Variants in UGT1A8 observed in about 807,000 individuals in gnomAD.
UGT1A8 encodes the protein UDP glucuronosyltransferase family 1 member A8, also known as UDP-glucuronosyltransferase 1A8.
UGT1A8 carries 39 observed loss-of-function variants against 45.3 expected under a neutral mutation model. The observed-to-expected ratio is 0.86, with a 90% confidence interval of 0.67 to 1.12. UGT1A8 has a LOEUF of 1.12. Ranked by LOEUF, UGT1A8 falls within the 50% of genes most tolerant of loss-of-function variation. The pLI, the probability that UGT1A8 is intolerant of heterozygous loss-of-function variation, is 0.00. For synonymous variants in UGT1A8, 275 were observed against 249.2 expected (o/e 1.10, Z -0.97); for missense variants, 719 against 664.9 (o/e 1.08, Z -0.90).
At chr2:233,655,635 C>T (rs1243679108) in intron 1 of UGT1A8, among the ~76,000 whole-genome samples, 2 of 152,058 alleles carry the variant, frequency 1.3e-5, no homozygotes, top group East Asian at 3.9e-4. Flanking sequence ...TTCACAGACT[C>T]TTCTCTTGTA....
intron 1 of UGT1A8, among the ~76,000 whole-genome samples, chr2:233,724,318 C>T (rs1409125726): frequency 1.2e-4 from 17 of 142,986 alleles, no homozygotes; most frequent in African/African-American, 3.4e-4. Context: ...CCGGACGGGG[C>T]GGCTGGCCAG....
At position 233,654,758 on chromosome 2, in the gene UGT1A8, G is replaced by C. The variant is rs549116915; in HGVS notation, c.855+36196G>C. The stretch of plus-strand genomic sequence containing the variant: ...CTGCAAACCACATCTTGAACAGACT[G>C]TTTTAGACCCAGTCCAGTGGCTCTA... On this transcript the variant is annotated intron_variant, in intron 1 of 4. Transcript: ENST00000373450. 6.3e-4 allele frequency among the ~76,000 whole-genome samples: 96 copies of C among 152,278 alleles called. 1 individual carries two copies. Among genetic ancestry groups the C allele is most frequent in the African/African-American group, 2.1e-3 (87 of 41,562 alleles).
chr2:233,762,717 G>GT lies in UGT1A8; in HGVS notation c.856-4305dup, dbSNP rs34681509. 2.7e-3 allele frequency among the ~76,000 whole-genome samples: 387 copies of GT among 141,006 alleles called. 1 individual carries two copies. The highest frequency in any genetic ancestry group is 0.012 in the Middle Eastern group (3 of 260). 92.5% of individuals were successfully genotyped at this position (141,006 alleles called of 152,430 possible). On this transcript the variant is annotated intron_variant, in intron 1 of 4. Coordinates refer to ENST00000373450, the MANE Select transcript of UGT1A8 (RefSeq NM_019076.5). ...CATCTTTTCTTAAGTATTTTACACG[G>GT]TTTTTTTTTTTTGGTCACTACTGTG...
In UGT1A8 at chr2:233,617,826, C is replaced by G. The variant is rs537316503; in HGVS notation, c.119C>G (p.Thr40Ser). 1 of 1,614,004 alleles carries G rather than the reference C, an allele frequency of 6.2e-7. No individual in the cohort carries two copies. Among genetic ancestry groups the G allele is most frequent in the East Asian group, 2.2e-5 (1 of 44,876 alleles). ...VVPMDGSHWF[T>S]MQSVVEKLIL... ...CCCATGGATGGGAGTCACTGGTTCA[C>G]CATGCAGTCGGTGGTGGAGAAACTT... The change falls in exon 1 of 5, where the codon ACC becomes AGC. Residue 40 changes from threonine (T) to serine (S), a missense_variant. Physicochemically the swap from Thr to Ser is moderately conservative, Grantham distance 58. Transcript: ENST00000373450.
At chr2:233,679,411 G>T (rs1347340983) in intron 1 of UGT1A8, among the ~76,000 whole-genome samples, 2 of 152,186 alleles carry the variant, frequency 1.3e-5, no homozygotes, top group African/African-American at 4.8e-5. Context: ...AGGTTTGGCA[G>T]TTCTACTGAT....
intron 1 of UGT1A8, among the ~76,000 whole-genome samples, chr2:233,663,890 A>G (rs1465786285): frequency 6.6e-6 from 1 of 152,134 alleles, no homozygotes; most frequent in Non-Finnish European, 1.5e-5. Context: ...GAATTTCTCT[A>G]TTTTAGATAC....
Position 233,683,200 on chromosome 2 carries a change from T to C in UGT1A8, c.855+64638T>C, listed in dbSNP as rs45437594. 1.2e-3 allele frequency among the ~76,000 whole-genome samples: 183 copies of C among 152,314 alleles called. 7 individuals are homozygous for C. In the East Asian group the frequency reaches 0.027, roughly 22 times the overall value. On this transcript the variant is annotated intron_variant, in intron 1 of 4. Coordinates refer to ENST00000373450, the MANE Select transcript of UGT1A8 (RefSeq NM_019076.5). ...ATATGCATATATTTAGGGTAAATTG[T>C]CACTTCTATTTTATCAATATAAAAT...
In UGT1A8 at chr2:233,768,446, A is replaced by C. The variant is rs752429515; in HGVS notation, c.1295+7A>C. 1 of 1,612,506 alleles carries C rather than the reference A, an allele frequency of 6.2e-7. No homozygotes were observed. Among genetic ancestry groups the C allele is most frequent in the Non-Finnish European group, 8.5e-7 (1 of 1,179,230 alleles). ...CAGTCATCAATGACAAAAGGTAAGAAAGAAGATACAGAAGAATACTTTGGT... is the reference window on the plus strand; with the variant it reads ...CAGTCATCAATGACAAAAGGTAAGACAGAAGATACAGAAGAATACTTTGGT... On this transcript the variant is annotated splice_region_variant and intron_variant, in intron 4 of 4. Coordinates refer to ENST00000373450, the MANE Select transcript of UGT1A8 (RefSeq NM_019076.5).
intron 1 of UGT1A8, among the ~76,000 whole-genome samples, chr2:233,702,447 T>C (rs1325410425): frequency 1.3e-5 from 2 of 152,174 alleles, no homozygotes; most frequent in African/African-American, 4.8e-5. Flanking sequence ...AAGGATAACA[T>C]TTATTTCTTT....
chr2:233,713,312 G>T (rs1406114434), intron 1 of UGT1A8: 8 of 1,614,228 alleles, frequency 5.0e-6, no homozygotes, highest in Non-Finnish European at 6.8e-6. Flanking sequence ...AACATCTTCT[G>T]ATGAAATTTT....
At position 233,618,487 on chromosome 2, in the gene UGT1A8, C is replaced by G. The variant is rs762851423; in HGVS notation, c.780C>G (p.Asp260Glu). 2.7e-5 allele frequency: 44 copies of G among 1,613,796 alleles called. No homozygotes were observed. Among genetic ancestry groups the G allele is most frequent in the South Asian group, 2.2e-4 (20 of 91,076 alleles). Residue 260 changes from aspartate (D) to glutamate (E), a missense_variant, in exon 1 of 5, where the codon GAC becomes GAG. Coordinates refer to ENST00000373450, the MANE Select transcript of UGT1A8 (RefSeq NM_019076.5). ...TGTTGCGAACAGACTTTGTTTTGGA[C>G]TATCCCAAACCCGTGATGCCCAATA... ...IWLLRTDFVL[D>E]YPKPVMPNMI...
chr2:233,737,522 C>T (rs1286705932), intron 1 of UGT1A8, among the ~76,000 whole-genome samples: 9 of 152,174 alleles, frequency 5.9e-5, no homozygotes, highest in African/African-American at 9.7e-5. Context: ...CTAGGTGAGG[C>T]GACGCCCTGC....
chr2:233,729,120 T>A, intron 1 of UGT1A8: 1 of 1,613,088 alleles, frequency 6.2e-7, no homozygotes, highest in Non-Finnish European at 8.5e-7. Context: ...CCGTGTCTTC[T>A]GCTGAGATGG....
At chr2:233,682,676 C>T (rs1379122920) in intron 1 of UGT1A8, 16 of 1,613,750 alleles carry the variant, frequency 9.9e-6, no homozygotes, top group Non-Finnish European at 1.3e-5. Flanking sequence ...TCTCTACAGC[C>T]ACACATCAAT....
chr2:233,713,549 G>A (rs1391054862), intron 1 of UGT1A8: 1 of 1,613,986 alleles, frequency 6.2e-7, no homozygotes. Flanking sequence ...AGGGCACACA[G>A]TGTCCAAACC....
intron 1 of UGT1A8, among the ~76,000 whole-genome samples, chr2:233,642,727 G>A (rs1312362571): frequency 6.6e-6 from 1 of 152,128 alleles, no homozygotes; most frequent in African/African-American, 2.4e-5. Flanking sequence ...TGCTTTAGGG[G>A]GCACCCCAAG....
chr2:233,643,076 G>A (rs553719632), intron 1 of UGT1A8, among the ~76,000 whole-genome samples: 24 of 152,284 alleles, frequency 1.6e-4, no homozygotes, highest in African/African-American at 5.3e-4. Context: ...TTTGCTCAAC[G>A]CCCTTGGGCT....
chr2:233,743,044 G>A lies in UGT1A8; in HGVS notation c.856-23990G>A, dbSNP rs1369920838. On this transcript the variant is annotated intron_variant, in intron 1 of 4. Coordinates refer to ENST00000373450, the MANE Select transcript of UGT1A8 (RefSeq NM_019076.5). ...AAAGACAAACAGAGGTCCTATCCGT[G>A]TAGTCCCAACGATAAGAACAGGTGT... The A allele has an allele frequency of 1.9e-5, 6 of 317,270 alleles. 1 individual carries two copies. The highest frequency in any genetic ancestry group is 4.4e-5 in the African/African-American group (2 of 45,752). The allele number at this position is 317,270 out of a possible 1,614,324, so 19.7% of individuals were successfully genotyped here. A position where few individuals can be genotyped will look rare whatever the true frequency, so the allele number is the denominator to read the frequency against.
chr2:233,705,969 G>T (rs1266037443), intron 1 of UGT1A8, among the ~76,000 whole-genome samples: 1 of 152,078 alleles, frequency 6.6e-6, no homozygotes, highest in Admixed American at 6.5e-5. Context: ...CATGCCTGTG[G>T]TTCCGGCTAC....
Sources: allele counts gnomAD v4.1 joint callset (sites outside exome capture counted in the v4.1 genomes callset), GRCh38; gene constraint gnomAD v4.1.1; transcripts MANE v1.5; gene names NCBI Gene and HGNC (gene_info 2026-07-23, HGNC 2026-07-21).